Variants in SVIL observed in about 807,000 individuals in gnomAD.
SVIL encodes the protein supervillin, also known as archvillin.
In SVIL, 101 loss-of-function variants were observed where a neutral mutation model predicts 240.4. The ratio of observed to expected loss-of-function variants is 0.42; its 90% CI spans 0.36 to 0.50. SVIL has a LOEUF of 0.50. SVIL is among the 20% of genes least tolerant of loss of function. The probability of loss-of-function intolerance (pLI) is 0.01; values close to 1 mark genes in which losing one functional copy is unlikely to be tolerated. For synonymous variants in SVIL, 999 were observed against 1,100.0 expected (o/e 0.91, Z 1.82); for missense variants, 2,512 against 2,818.7 (o/e 0.89, Z 2.46).
At chr10:29,569,055 G>C (rs1192571422) in intron 2 of SVIL, among the ~76,000 whole-genome samples, 200 bp downstream of exon 2, 5 of 152,228 alleles carry the variant, frequency 3.3e-5, no homozygotes, top group Middle Eastern at 3.2e-3. Flanking sequence ...GAGACAGCAA[G>C]ATTCTGTTCT....
rs963035996 is a variant in SVIL, at chr10:29,697,304, G to A, written c.-399-10653C>T. 2.4e-5 allele frequency among the ~76,000 whole-genome samples: 2 copies of A among 84,114 alleles called. 1 individual carries two copies. 55.2% of individuals were successfully genotyped at this position (84,114 alleles called of 152,430 possible). On this transcript the variant is annotated intron_variant, in intron 1 of 35. Transcript: ENST00000375400. Reference sequence around the variant, plus strand: ...AGCCCCTCTGCCCGGCCACCACCCCGTCTGGGAGGTGTACCCAACAGCTCA... The same window carrying A: ...AGCCCCTCTGCCCGGCCACCACCCCATCTGGGAGGTGTACCCAACAGCTCA...
rs908264434 is a variant in SVIL, at chr10:29,496,572, C to G, written c.3665-1391G>C. On this transcript the variant is annotated intron_variant, in intron 18 of 37. Transcript: ENST00000355867. ...CCGCTGCCATGGCTCCCCCTGCTGGCGGTTCAGGCAGTGGCACTATGCAAA... is the reference window on the plus strand; with the variant it reads ...CCGCTGCCATGGCTCCCCCTGCTGGGGGTTCAGGCAGTGGCACTATGCAAA... The G allele has an allele frequency of 4.3e-5, 15 of 351,838 alleles. No individual in the cohort carries two copies. In the Admixed American group the frequency reaches 5.3e-4, roughly 12 times the overall value. 21.8% of individuals were successfully genotyped at this position (351,838 alleles called of 1,614,324 possible).
At chr10:29,672,451 G>A (rs1959853357) in intron 2 of SVIL, among the ~76,000 whole-genome samples, 1 of 152,104 alleles carries the variant, frequency 6.6e-6, no homozygotes, top group Admixed American at 6.5e-5. Flanking sequence ...TTCAGCCTGG[G>A]CGACAGAGCA....
chr10:29,562,944 C>T (rs1404686838), intron 3 of SVIL, among the ~76,000 whole-genome samples: 3 of 152,020 alleles, frequency 2.0e-5, no homozygotes, highest in South Asian at 2.1e-4. Context: ...CCTGTCTCAC[C>T]CGCCACACCC....
Position 29,493,231 on chromosome 10 carries a change from G to A in SVIL, c.4002C>T (p.Phe1334=), listed in dbSNP as rs779286617. 88 of 1,613,912 alleles carry A rather than the reference G, an allele frequency of 5.5e-5. No homozygotes were observed. The highest frequency in any genetic ancestry group is 7.0e-5 in the Non-Finnish European group (83 of 1,179,998). ...TAACTCACTTGGGTGCATAAGGATC[G>A]AAAATGACATCGAAGTCCTCATCCA... The part of the protein sequence containing the change: ...VEMDEDFDVI[F]DPYAPKLTSS... Residue 1334 remains phenylalanine (F), a synonymous_variant, in exon 21 of 38, where the codon TTC becomes TTT. Coordinates refer to ENST00000355867, the MANE Select transcript of SVIL (RefSeq NM_021738.3).
intron 2 of SVIL, among the ~76,000 whole-genome samples, chr10:29,677,728 A>G (rs181236787): frequency 6.6e-6 from 1 of 152,106 alleles, no homozygotes. Flanking sequence ...GCGAGGATAC[A>G]TTTTCATTGG....
intron 2 of SVIL, among the ~76,000 whole-genome samples, chr10:29,682,473 C>G (rs556758796): frequency 3.3e-5 from 5 of 152,302 alleles, no homozygotes; most frequent in African/African-American, 1.2e-4. Flanking sequence ...GCAACCAAAA[C>G]AGAAAGAAAT....
chr10:29,515,801 C>T (rs1457679820), intron 16 of SVIL, among the ~76,000 whole-genome samples: 1 of 152,190 alleles, frequency 6.6e-6, no homozygotes, highest in African/African-American at 2.4e-5. Flanking sequence ...GACACCAGCA[C>T]CTATGTCATC....
intron 23 of SVIL, among the ~76,000 whole-genome samples, 162 bp downstream of exon 23, chr10:29,488,439 C>A (rs1237448482): frequency 4.6e-5 from 7 of 152,050 alleles, no homozygotes; most frequent in Non-Finnish European, 1.0e-4. Context: ...TTTGGGGAAG[C>A]TTGAGAGACA....
chr10:29,487,798 T>C (rs1055109), intron 23 of SVIL: 72,335 of 152,346 alleles, frequency 0.47, 17,425 homozygotes, highest in East Asian at 0.57. Context: ...TCAACACCTT[T>C]TCCTAAATAT....
intron 1 of SVIL, among the ~76,000 whole-genome samples, chr10:29,691,563 G>C (rs944134098): frequency 8.5e-5 from 13 of 152,186 alleles, no homozygotes; most frequent in African/African-American, 3.1e-4. Flanking sequence ...TCCAGCTTCT[G>C]TGACCAAAAT....
At chr10:29,690,667 T>C (rs1005584306) in intron 1 of SVIL, among the ~76,000 whole-genome samples, 4 of 152,122 alleles carry the variant, frequency 2.6e-5, no homozygotes, top group Admixed American at 2.6e-4. Flanking sequence ...ACTACATTTG[T>C]CTCAATTCTT....
chr10:29,474,977 A>T (rs544516813), intron 29 of SVIL, among the ~76,000 whole-genome samples: 4 of 152,254 alleles, frequency 2.6e-5, no homozygotes, highest in African/African-American at 9.6e-5. Context: ...CTGCACAGGC[A>T]CTCGGTAAAC....
intron 21 of SVIL, 132 bp from the exon 22 acceptor site, chr10:29,491,151 C>A: frequency 9.9e-7 from 1 of 1,010,918 alleles, no homozygotes; most frequent in Non-Finnish European, 1.4e-6. Context: ...CACCGCCACT[C>A]CCCTGACATG....
intron 18 of SVIL, among the ~76,000 whole-genome samples, chr10:29,498,658 C>A (rs966411462): frequency 6.6e-6 from 1 of 152,056 alleles, no homozygotes; most frequent in Non-Finnish European, 1.5e-5. Flanking sequence ...ACACAAAAAA[C>A]ATTTATAGAA....
At chr10:29,731,466 T>C (rs1165293028) in intron 1 of SVIL, among the ~76,000 whole-genome samples, 3 of 152,206 alleles carry the variant, frequency 2.0e-5, no homozygotes, top group Non-Finnish European at 2.9e-5. Flanking sequence ...TGGAGACACA[T>C]TGTAACTTTT....
chr10:29,704,054 C>T (rs141332976), intron 1 of SVIL, among the ~76,000 whole-genome samples: 238 of 152,280 alleles, frequency 1.6e-3, no homozygotes, highest in African/African-American at 5.5e-3. Flanking sequence ...TCTCCCGCCT[C>T]GGCCTCTCAA....
chr10:29,727,691 C>T (rs913047278), intron 1 of SVIL, among the ~76,000 whole-genome samples: 15 of 148,142 alleles, frequency 1.0e-4, no homozygotes, highest in African/African-American at 3.5e-4. Context: ...CATCTTTTCA[C>T]TTATTGCAGA....
chr10:29,474,578 G>A (rs2132325011), intron 29 of SVIL, among the ~76,000 whole-genome samples: 1 of 150,646 alleles, frequency 6.6e-6, no homozygotes, highest in East Asian at 2.0e-4. Context: ...CTGGGTGACA[G>A]AGTGAGACTC....
Sources: gnomAD v4.1 joint callset for allele counts (sites outside exome capture counted in the v4.1 genomes callset) on GRCh38, gnomAD v4.1.1 for gene constraint, MANE v1.5 for transcripts, NCBI Gene and HGNC (gene_info 2026-07-23, HGNC 2026-07-21) for gene names.